DCDC2: variants seen among roughly 807,000 people sequenced by gnomAD.
DCDC2 encodes doublecortin domain-containing protein 2.
DCDC2 carries 40 observed loss-of-function variants against 50.2 expected under a neutral mutation model. The observed-to-expected ratio is 0.80, with a 90% confidence interval of 0.62 to 1.04. The LOEUF is 1.04. Among genes scored for constraint, DCDC2 ranks in the 50% least tolerant of loss-of-function variants. The pLI is 0.00. For missense variants in DCDC2, 570 were observed against 581.9 expected, an observed-to-expected ratio of 0.98 and a Z score of 0.21; for synonymous variants, 234 against 210.6, an observed-to-expected ratio of 1.11 and a Z score of -0.96.
chr6:24,339,717 A>G (rs1760121975), intron 2 of DCDC2, among the ~76,000 whole-genome samples: 1 of 152,192 alleles, frequency 6.6e-6, no homozygotes, highest in Non-Finnish European at 1.5e-5. Context: ...CTGTCTGTGT[A>G]CTCAGAGTAA....
At chr6:24,211,710 C>A (rs1048143798) in intron 7 of DCDC2, among the ~76,000 whole-genome samples, 1 of 152,132 alleles carries the variant, frequency 6.6e-6, no homozygotes, top group Non-Finnish European at 1.5e-5. Context: ...CCTGTAGAAA[C>A]TGGAAAAACC....
At chr6:24,359,042 A>G (rs1489627003), upstream of DCDC2, among the ~76,000 whole-genome samples, 8 of 47,910 alleles carry the variant, frequency 1.7e-4, no homozygotes, top group Non-Finnish European at 2.4e-4. Flanking sequence ...TTTTATATAT[A>G]TTATATATTT....
chr6:24,349,418 A>G (rs530939703), intron 2 of DCDC2, among the ~76,000 whole-genome samples: 1 of 152,332 alleles, frequency 6.6e-6, no homozygotes, highest in South Asian at 2.1e-4. Context: ...ACAAGGTAGG[A>G]AAACAAGAAG....
In DCDC2 at chr6:24,293,710, T is replaced by C. The variant is rs1763800921; in HGVS notation, c.558-2632A>G. Among the ~76,000 whole-genome samples, 8 of 152,278 alleles carry C rather than the reference T, an allele frequency of 5.3e-5. No individual in the cohort carries two copies. In the South Asian group the frequency reaches 1.2e-3, roughly 24 times the overall value. The stretch of plus-strand genomic sequence containing the variant: ...TGATAAACCTCTATGGAACTCTCTA[T>C]CCCAAAACAGAATATACATTTTTCT... On this transcript the variant is annotated intron_variant, in intron 4 of 9. Transcript: ENST00000378454.
chr6:24,276,259 T>C (rs1324818743), intron 7 of DCDC2, among the ~76,000 whole-genome samples: 1 of 152,166 alleles, frequency 6.6e-6, no homozygotes, highest in Non-Finnish European at 1.5e-5. Context: ...ACAAATGAGA[T>C]AACCTGAAAA....
At chr6:24,245,983 A>AT (rs1370623206) in intron 7 of DCDC2, among the ~76,000 whole-genome samples, 4 of 152,090 alleles carry the variant, frequency 2.6e-5, no homozygotes, top group East Asian at 3.9e-4. Context: ...GAGAGGATAG[A>AT]TTTTTTATTT....
intron 9 of DCDC2, among the ~76,000 whole-genome samples, chr6:24,175,953 G>A (rs1487422065): frequency 2.6e-5 from 4 of 152,158 alleles, no homozygotes; most frequent in South Asian, 4.1e-4. Flanking sequence ...AGTAAGAGAT[G>A]AGTCAAATAA....
intron 2 of DCDC2, among the ~76,000 whole-genome samples, chr6:24,337,152 C>T (rs1038064569): frequency 7.9e-5 from 12 of 152,126 alleles, no homozygotes; most frequent in Non-Finnish European, 1.5e-5. Flanking sequence ...CCAAATGGCC[C>T]TTTGACAGTA....
intron 6 of DCDC2, among the ~76,000 whole-genome samples, chr6:24,286,559 C>T (rs1763613264): frequency 2.0e-5 from 3 of 149,774 alleles, no homozygotes; most frequent in Admixed American, 6.6e-5. Context: ...TGCCACTGTA[C>T]ACCACCCTGG....
At chr6:24,214,673 T>C (rs1164260635) in intron 7 of DCDC2, among the ~76,000 whole-genome samples, 1 of 152,220 alleles carries the variant, frequency 6.6e-6, no homozygotes, top group Non-Finnish European at 1.5e-5. Flanking sequence ...TTAGTTTTAG[T>C]TCATCAGAAT....
chr6:24,291,456 T>A (rs1763746267), intron 4 of DCDC2, among the ~76,000 whole-genome samples: 1 of 151,536 alleles, frequency 6.6e-6, no homozygotes, highest in Non-Finnish European at 1.5e-5. Context: ...CATTGATTCT[T>A]CTATTTATAT....
Position 24,357,551 on chromosome 6 carries a change from G to A in DCDC2, c.200C>T (p.Thr67Ile), listed in dbSNP as rs372751993. The change falls in exon 1 of 10, where the codon ACC (threonine) becomes ATC (isoleucine). Residue 67 changes from threonine to isoleucine, a missense_variant. By Grantham distance (89) the Thr-to-Ile change is moderately conservative. Transcript: ENST00000378454. ...APFGAVRNIY[T>I]PRTGHRIRKL... ...CCGGATTCGGTGGCCAGTCCGCGGG[G>A]TGTAGATGTTCCTGACGGCCCCAAA... 1.2e-5 allele frequency: 19 copies of A among 1,613,468 alleles called. No individual in the cohort carries two copies. The highest frequency in any genetic ancestry group is 1.6e-5 in the Non-Finnish European group (19 of 1,180,052).
At chr6:24,249,188 T>C (rs764663424) in intron 7 of DCDC2, among the ~76,000 whole-genome samples, 2 of 152,138 alleles carry the variant, frequency 1.3e-5, no homozygotes, top group Non-Finnish European at 2.9e-5. Context: ...GGCTCTGCTT[T>C]ATAATTCTAT....
intron 2 of DCDC2, among the ~76,000 whole-genome samples, chr6:24,352,085 CAGA>C (rs1227556976): frequency 1.3e-5 from 2 of 152,086 alleles, no homozygotes; most frequent in African/African-American, 4.8e-5. Context: ...GCCTGGGTGA[CAGA>C]AGGAGACTCT....
chr6:24,214,706 C>G (rs976355772), intron 7 of DCDC2, among the ~76,000 whole-genome samples: 2 of 152,114 alleles, frequency 1.3e-5, no homozygotes, highest in Non-Finnish European at 2.9e-5. Context: ...CCTTTTTCCA[C>G]CCCAGTGACT....
At chr6:24,374,577 C>G in the DCDC2 span, among the ~76,000 whole-genome samples, 1 of 57,472 alleles carries the variant, frequency 1.7e-5, no homozygotes, top group Non-Finnish European at 2.9e-5. Flanking sequence ...AGACTCCATC[C>G]AAAAAAAAAA....
At chr6:24,218,508 T>TC (rs754919976) in intron 7 of DCDC2, among the ~76,000 whole-genome samples, 55 of 152,356 alleles carry the variant, frequency 3.6e-4, no homozygotes, top group Non-Finnish European at 6.9e-4. Flanking sequence ...TTGCTTTTTT[T>TC]CTGATACAGG....
At chr6:24,196,838 T>C (rs1339218685) in intron 8 of DCDC2, among the ~76,000 whole-genome samples, 3 of 152,242 alleles carry the variant, frequency 2.0e-5, no homozygotes, top group Non-Finnish European at 4.4e-5. Context: ...TATTGTTTAA[T>C]GCAGATCACC....
rs368977306 is a variant in DCDC2 at position 24,301,239 on chromosome 6, T to C, written c.557+476A>G. On this transcript the variant is annotated intron_variant, in intron 4 of 9. Coordinates refer to ENST00000378454, the MANE Select transcript of DCDC2 (RefSeq NM_016356.5). ...ACAAAAAATTAGCCGGGCGTGGTGG[T>C]GGGCGCCTGTGGTCCCAGCTACTCG... Among the ~76,000 whole-genome samples the C allele has an allele frequency of 1.9e-3, 290 of 151,568 alleles. 4 individuals are homozygous for C. The East Asian group carries it at 0.035, about 18-fold the overall frequency.
Sources: allele counts gnomAD v4.1 joint callset (sites outside exome capture counted in the v4.1 genomes callset), GRCh38; gene constraint gnomAD v4.1.1; transcripts MANE v1.5; gene names NCBI Gene and HGNC (gene_info 2026-07-23, HGNC 2026-07-21).